Variants in FGF12 observed in about 807,000 individuals in gnomAD.
The protein encoded by FGF12 is fibroblast growth factor 12.
In FGF12, 14 loss-of-function variants were observed where a neutral mutation model predicts 23.6. That is an observed-to-expected ratio of 0.59 (90% CI 0.39 to 0.93). The LOEUF (loss-of-function observed/expected upper bound fraction) is 0.93. Ranked by LOEUF, FGF12 falls within the 40% of genes least tolerant of loss-of-function variation. The pLI, the probability that FGF12 is intolerant of heterozygous loss-of-function variation, is 0.00. For missense variants in FGF12, 175 were observed against 217.8 expected, an observed-to-expected ratio of 0.80 and a Z score of 1.24; for synonymous variants, 62 against 77.3, an observed-to-expected ratio of 0.80 and a Z score of 1.04.
In FGF12 at chr3:192,364,822, C is replaced by T. The variant is rs1482805295; in HGVS notation, c.14-4284G>A. ...GCATAATGGGCTTTGGACTTCCTTCCAAAACATACAGTATGCAAAGGGAAG... is the reference window on the plus strand; with the variant it reads ...GCATAATGGGCTTTGGACTTCCTTCTAAAACATACAGTATGCAAAGGGAAG... On this transcript the variant is annotated intron_variant, in intron 2 of 5. Transcript: ENST00000445105. Among the ~76,000 whole-genome samples the T allele has an allele frequency of 5.3e-5, 8 of 152,154 alleles. 1 individual carries two copies. Among genetic ancestry groups the T allele is most frequent in the Admixed American group, 4.6e-4 (7 of 15,268 alleles).
intron 2 of FGF12, among the ~76,000 whole-genome samples, chr3:192,448,593 C>T (rs1722430683): frequency 1.3e-5 from 2 of 152,156 alleles, no homozygotes; most frequent in South Asian, 4.1e-4. Flanking sequence ...TGATACTATG[C>T]TTCAATTCTA....
At chr3:192,583,938 T>C (rs1713263995) in intron 2 of FGF12, among the ~76,000 whole-genome samples, 1 of 152,180 alleles carries the variant, frequency 6.6e-6, no homozygotes. Flanking sequence ...AAGAATAGGG[T>C]TCTGCTGACT....
At chr3:192,495,886 C>T (rs945167970) in intron 2 of FGF12, among the ~76,000 whole-genome samples, 8 of 152,108 alleles carry the variant, frequency 5.3e-5, no homozygotes, top group Non-Finnish European at 1.0e-4. Flanking sequence ...TCATCTCGAA[C>T]TCCTGGGCTC....
intron 4 of FGF12, among the ~76,000 whole-genome samples, chr3:192,316,742 A>T (rs1461743416): frequency 6.6e-6 from 1 of 152,104 alleles, no homozygotes; most frequent in African/African-American, 2.4e-5. Context: ...GGTGCATGTG[A>T]CCTAGTGAGA....
intron 2 of FGF12, among the ~76,000 whole-genome samples, chr3:192,431,703 T>A (rs1721865120): frequency 6.6e-6 from 1 of 152,226 alleles, no homozygotes. Flanking sequence ...ATAAAGTGTA[T>A]AATAGACTTG....
intron 2 of FGF12, among the ~76,000 whole-genome samples, chr3:192,485,753 TG>T (rs1172367423): frequency 1.3e-5 from 2 of 152,104 alleles, no homozygotes; most frequent in Non-Finnish European, 2.9e-5. Context: ...CATACTTATG[TG>T]AACAGATTCT....
chr3:192,295,137 C>T (rs184367862), intron 4 of FGF12, among the ~76,000 whole-genome samples: 24 of 152,292 alleles, frequency 1.6e-4, no homozygotes, highest in Non-Finnish European at 2.9e-5. Context: ...GTCACCTCCC[C>T]ACCTCCTACT....
intron 2 of FGF12, among the ~76,000 whole-genome samples, chr3:192,361,800 C>T (rs1488456389): frequency 6.6e-6 from 1 of 152,162 alleles, no homozygotes; most frequent in Admixed American, 6.6e-5. Flanking sequence ...GACTTGATCA[C>T]ATTCACATTA....
intron 2 of FGF12, among the ~76,000 whole-genome samples, chr3:192,603,686 C>A (rs891387192): frequency 1.3e-5 from 2 of 152,008 alleles, no homozygotes; most frequent in Non-Finnish European, 2.9e-5. Flanking sequence ...GGTGTCTGAA[C>A]AGGGAGTAGG....
chr3:192,148,349 C>A (rs189372688), intron 5 of FGF12, among the ~76,000 whole-genome samples: 1 of 152,244 alleles, frequency 6.6e-6, no homozygotes, highest in East Asian at 1.9e-4. Context: ...GTGAAATAAG[C>A]CAGTTACAAG....
chr3:192,617,740 G>A (rs1480977799), intron 2 of FGF12, among the ~76,000 whole-genome samples: 3 of 152,034 alleles, frequency 2.0e-5, no homozygotes, highest in Non-Finnish European at 2.9e-5. Flanking sequence ...ACAACCACCA[G>A]GTAGAAGAGT....
At chr3:192,147,931 G>A (rs1326885230) in intron 5 of FGF12, among the ~76,000 whole-genome samples, 1 of 152,088 alleles carries the variant, frequency 6.6e-6, no homozygotes, top group Non-Finnish European at 1.5e-5. Context: ...AAAACATATG[G>A]CTGTTATAAA....
intron 4 of FGF12, chr3:192,282,743 G>A (rs1450674927): frequency 1.4e-5 from 2 of 144,134 alleles, no homozygotes; most frequent in African/African-American, 2.5e-5. Context: ...ATATGACCTC[G>A]AATTAATATT....
At chr3:192,238,614 T>C (rs1179176043) in intron 4 of FGF12, 1 of 152,234 alleles carries the variant, frequency 6.6e-6, no homozygotes, top group Non-Finnish European at 1.5e-5. Flanking sequence ...TTATTTGATG[T>C]GCCACTGGAC....
intron 4 of FGF12, among the ~76,000 whole-genome samples, chr3:192,294,237 C>T (rs1209410939): frequency 1.3e-5 from 2 of 152,088 alleles, no homozygotes; most frequent in African/African-American, 4.8e-5. Context: ...TTCCCAGACT[C>T]GGGTATGTCT....
intron 2 of FGF12, among the ~76,000 whole-genome samples, chr3:192,532,997 T>A (rs2108852047): frequency 6.6e-6 from 1 of 152,324 alleles, no homozygotes; most frequent in Non-Finnish European, 1.5e-5. Context: ...ATGATGGATG[T>A]AAATATCTAT....
intron 2 of FGF12, among the ~76,000 whole-genome samples, chr3:192,554,178 G>A (rs1711655755): frequency 6.6e-6 from 1 of 152,240 alleles, no homozygotes; most frequent in African/African-American, 2.4e-5. Context: ...TGCTGCTACT[G>A]ATAACATACA....
In FGF12 at chr3:192,688,430, G is replaced by A. The variant is rs537194546; in HGVS notation, c.13+38751C>T. Among the ~76,000 whole-genome samples the A allele has an allele frequency of 5.3e-5, 8 of 152,278 alleles. No homozygotes were observed. The East Asian group carries it at 7.7e-4, about 15-fold the overall frequency. On this transcript the variant is annotated intron_variant, in intron 2 of 5. Transcript: ENST00000445105. ...TATAAAGTTTGGAAAAAGAATGCACGCATCAAATGCTACATTTGTAAGGCT... is the reference window on the plus strand; with the variant it reads ...TATAAAGTTTGGAAAAAGAATGCACACATCAAATGCTACATTTGTAAGGCT...
intron 2 of FGF12, among the ~76,000 whole-genome samples, chr3:192,440,599 C>T (rs531692267): frequency 2.0e-5 from 3 of 152,320 alleles, no homozygotes; most frequent in South Asian, 2.1e-4. Context: ...CCTTCACTAA[C>T]CCTCCGCTTT....
Sources: allele counts gnomAD v4.1 joint callset (sites outside exome capture counted in the v4.1 genomes callset), GRCh38; gene constraint gnomAD v4.1.1; transcripts MANE v1.5; gene names NCBI Gene and HGNC (gene_info 2026-07-23, HGNC 2026-07-21).